The following HS6ST3 variants were observed in gnomAD, a reference collection of about 807,000 sequenced individuals.
The protein encoded by HS6ST3 is heparan-sulfate 6-O-sulfotransferase 3.
Under a neutral mutation model 36.7 loss-of-function variants are expected in HS6ST3, and 12 were observed. The ratio of observed to expected loss-of-function variants is 0.33; its 90% CI spans 0.21 to 0.53. HS6ST3 has a LOEUF of 0.53. Among genes scored for constraint, HS6ST3 ranks in the 20% least tolerant of loss-of-function variants. HS6ST3 has a pLI of 0.95. For missense variants in HS6ST3, 584 were observed against 640.9 expected (o/e 0.91, Z 0.96); for synonymous variants, 240 against 257.5 (o/e 0.93, Z 0.65).
chr13:96,246,614 G>T (rs569243738), intron 1 of HS6ST3, among the ~76,000 whole-genome samples: 5 of 152,226 alleles, frequency 3.3e-5, no homozygotes, highest in African/African-American at 4.8e-5. Context: ...AAACTGCCCT[G>T]GTAGCTTCTC....
intron 1 of HS6ST3, among the ~76,000 whole-genome samples, chr13:96,361,697 T>A (rs1487837714): frequency 6.6e-6 from 1 of 152,144 alleles, no homozygotes; most frequent in African/African-American, 2.4e-5. Flanking sequence ...GTAAAAAACC[T>A]ACCAACCAGC....
chr13:96,660,663 T>C (rs2056643115), intron 1 of HS6ST3, among the ~76,000 whole-genome samples: 1 of 152,112 alleles, frequency 6.6e-6, no homozygotes, highest in Non-Finnish European at 1.5e-5. Flanking sequence ...TTAATAGAAC[T>C]CAAAGAATTC....
At chr13:96,310,552 C>T (rs1175420370) in intron 1 of HS6ST3, among the ~76,000 whole-genome samples, 1 of 152,062 alleles carries the variant, frequency 6.6e-6, no homozygotes, top group Non-Finnish European at 1.5e-5. Flanking sequence ...TTAGAAAAGA[C>T]GAGGAAGGAG....
intron 1 of HS6ST3, among the ~76,000 whole-genome samples, chr13:96,709,683 C>T (rs952733262): frequency 5.3e-5 from 8 of 152,122 alleles, no homozygotes; most frequent in African/African-American, 1.9e-4. Flanking sequence ...CCCAACCATG[C>T]TGGTGCCCTG....
At chr13:96,337,989 G>A (rs774357159) in intron 1 of HS6ST3, among the ~76,000 whole-genome samples, 1 of 151,866 alleles carries the variant, frequency 6.6e-6, no homozygotes, top group African/African-American at 2.4e-5. Flanking sequence ...GGTGGCACTT[G>A]TTTCCTGAAT....
At chr13:96,118,081 A>G (rs2053902354) in intron 1 of HS6ST3, among the ~76,000 whole-genome samples, 2 of 152,028 alleles carry the variant, frequency 1.3e-5, no homozygotes, top group African/African-American at 4.8e-5. Context: ...TATGTTGGCC[A>G]GGCTGGTCTC....
At chr13:96,388,754 A>T (rs191364519) in intron 1 of HS6ST3, among the ~76,000 whole-genome samples, 4 of 152,236 alleles carry the variant, frequency 2.6e-5, no homozygotes, top group Admixed American at 6.5e-5. Context: ...TGTTGTCGTG[A>T]TAATGAGTGA....
rs139641133 is a variant in HS6ST3 at position 96,098,772 on chromosome 13, A to G, written c.707+7203A>G. On this transcript the variant is annotated intron_variant, in intron 1 of 1. Coordinates refer to ENST00000376705, the MANE Select transcript of HS6ST3 (RefSeq NM_153456.4). ...GGGTTAAGTCAATTATCTGCTCTGC[A>G]CTTCAGTTTCCTTCTCTGGAAAATG... Among the ~76,000 whole-genome samples, 310 of 152,334 alleles carry G rather than the reference A, an allele frequency of 2.0e-3. 2 individuals are homozygous for G. Among genetic ancestry groups the G allele is most frequent in the African/African-American group, 7.2e-3 (298 of 41,576 alleles).
chr13:96,665,000 C>T (rs376246553), intron 1 of HS6ST3, among the ~76,000 whole-genome samples: 26 of 151,928 alleles, frequency 1.7e-4, no homozygotes, highest in South Asian at 2.1e-4. Context: ...GGTGAAACCG[C>T]GTCTCTACAA....
At chr13:96,092,060 T>A (rs1467191385) in intron 1 of HS6ST3, among the ~76,000 whole-genome samples, 1 of 152,148 alleles carries the variant, frequency 6.6e-6, no homozygotes, top group East Asian at 1.9e-4. Flanking sequence ...CCTAAGTGGC[T>A]TTTGGATGGC....
intron 1 of HS6ST3, among the ~76,000 whole-genome samples, chr13:96,645,679 G>C (rs2056586203): frequency 6.6e-6 from 1 of 151,788 alleles, no homozygotes; most frequent in Non-Finnish European, 1.5e-5. Flanking sequence ...GATATAGCTT[G>C]TATTGAACTA....
At chr13:96,565,450 T>C (rs2056277751) in intron 1 of HS6ST3, among the ~76,000 whole-genome samples, 1 of 152,210 alleles carries the variant, frequency 6.6e-6, no homozygotes, top group Non-Finnish European at 1.5e-5. Flanking sequence ...GCCATGTTAG[T>C]ATCATTTTCC....
intron 1 of HS6ST3, among the ~76,000 whole-genome samples, chr13:96,731,949 C>T (rs1876165160): frequency 6.6e-6 from 1 of 152,190 alleles, no homozygotes; most frequent in Non-Finnish European, 1.5e-5. Flanking sequence ...ATCTACCACA[C>T]AGAGCCTATT....
At chr13:96,543,194 G>A (rs924143281) in intron 1 of HS6ST3, among the ~76,000 whole-genome samples, 1 of 152,142 alleles carries the variant, frequency 6.6e-6, no homozygotes, top group African/African-American at 2.4e-5. Context: ...GCTCCCAGCA[G>A]TGCATTTCTC....
At chr13:96,476,169 A>G (rs1307491733) in intron 1 of HS6ST3, among the ~76,000 whole-genome samples, 1 of 152,160 alleles carries the variant, frequency 6.6e-6, no homozygotes, top group African/African-American at 2.4e-5. Flanking sequence ...AATGGACATG[A>G]TAAGAGGAAG....
At chr13:96,464,118 A>C (rs1594785749) in intron 1 of HS6ST3, among the ~76,000 whole-genome samples, 1 of 116,146 alleles carries the variant, frequency 8.6e-6, no homozygotes, top group Admixed American at 1.0e-4. Context: ...TTACCTCCTC[A>C]GGAAAGGACT....
chr13:96,401,099 G>A (rs757337563), intron 1 of HS6ST3, among the ~76,000 whole-genome samples: 1 of 152,152 alleles, frequency 6.6e-6, no homozygotes, highest in Non-Finnish European at 1.5e-5. Context: ...TAATTAAAAT[G>A]ATGTGGAGAC....
intron 1 of HS6ST3, among the ~76,000 whole-genome samples, chr13:96,492,861 T>C (rs1251600659): frequency 6.6e-6 from 1 of 152,206 alleles, no homozygotes; most frequent in Non-Finnish European, 1.5e-5. Context: ...GAAGAGAGAC[T>C]GAATTCTCAT....
intron 1 of HS6ST3, among the ~76,000 whole-genome samples, chr13:96,332,857 A>C (rs1276919353): frequency 6.6e-6 from 1 of 152,202 alleles, no homozygotes; most frequent in Non-Finnish European, 1.5e-5. Flanking sequence ...AAAGTTAATC[A>C]CCAATGTGAT....
Sources: gnomAD v4.1 joint callset for allele counts (sites outside exome capture counted in the v4.1 genomes callset) on GRCh38, gnomAD v4.1.1 for gene constraint, MANE v1.5 for transcripts, NCBI Gene and HGNC (gene_info 2026-07-23, HGNC 2026-07-21) for gene names.